The following NIPBL variants were observed in gnomAD, a reference collection of about 807,000 sequenced individuals.
NIPBL encodes nipped-B-like protein.
A neutral mutation model predicts 321.8 loss-of-function variants in NIPBL; 19 were observed. The ratio of observed to expected loss-of-function variants is 0.06; its 90% CI spans 0.04 to 0.09. NIPBL has a LOEUF of 0.09. Ranked by LOEUF, NIPBL falls within the 10% of genes least tolerant of loss-of-function variation. The pLI is 1.00. For missense variants in NIPBL, 2,210 were observed against 3,327.0 expected (o/e 0.66, Z 8.26); for synonymous variants, 1,106 against 1,114.1 (o/e 0.99, Z 0.14).
At chr5:36,916,779 C>T (rs1748494114) in intron 1 of NIPBL, among the ~76,000 whole-genome samples, 1 of 151,944 alleles carries the variant, frequency 6.6e-6, no homozygotes, top group Non-Finnish European at 1.5e-5. Context: ...CAGTAGTTTG[C>T]TGAGAATGAT....
At chr5:36,903,657 T>C (rs1366522972) in intron 1 of NIPBL, among the ~76,000 whole-genome samples, 1 of 152,138 alleles carries the variant, frequency 6.6e-6, no homozygotes, top group Non-Finnish European at 1.5e-5. Flanking sequence ...AAAAATAGAC[T>C]TGTAGATAAA....
chr5:36,920,075 C>G (rs1561386859), intron 1 of NIPBL, among the ~76,000 whole-genome samples: 1 of 151,980 alleles, frequency 6.6e-6, no homozygotes, highest in African/African-American at 2.4e-5. Context: ...TTACAGTAGG[C>G]AGCTTTTTTG....
chr5:36,881,231 C>A (rs1745478708), intron 1 of NIPBL, among the ~76,000 whole-genome samples: 1 of 150,794 alleles, frequency 6.6e-6, no homozygotes, highest in Admixed American at 6.6e-5. Context: ...ATTTTATGTG[C>A]TTAGAATATT....
intron 6 of NIPBL, among the ~76,000 whole-genome samples, chr5:36,963,488 G>C (rs1490582194): frequency 2.0e-5 from 3 of 152,020 alleles, no homozygotes; most frequent in African/African-American, 7.2e-5. Context: ...GGAGAAACTG[G>C]GAAGCAAATT....
At chr5:37,037,178 G>A (rs1751789193) in intron 33 of NIPBL, among the ~76,000 whole-genome samples, 1 of 151,404 alleles carries the variant, frequency 6.6e-6, no homozygotes, top group Admixed American at 6.6e-5. Flanking sequence ...ATGAGGTCAG[G>A]AGATTGAGAC....
At chr5:36,877,285 G>A (rs1407182716) in intron 1 of NIPBL, 107 bp downstream of exon 1, 2 of 158,536 alleles carry the variant, frequency 1.3e-5, no homozygotes, top group African/African-American at 4.8e-5. Flanking sequence ...AGCGGCCCCA[G>A]GTCTCTTCCA....
chr5:36,978,566 T>G (rs924378880), intron 9 of NIPBL, among the ~76,000 whole-genome samples: 5 of 152,062 alleles, frequency 3.3e-5, no homozygotes, highest in African/African-American at 1.2e-4. Context: ...TGGTTTCTTT[T>G]GCTGTACAGA....
At chr5:36,889,497 A>G (rs1232954865) in intron 1 of NIPBL, among the ~76,000 whole-genome samples, 1 of 152,162 alleles carries the variant, frequency 6.6e-6, no homozygotes, top group Admixed American at 6.5e-5. Flanking sequence ...GTTTCTTAGT[A>G]TATGTCAGGG....
intron 1 of NIPBL, among the ~76,000 whole-genome samples, chr5:36,950,807 A>T (rs566680584): frequency 6.6e-6 from 1 of 152,252 alleles, no homozygotes; most frequent in East Asian, 1.9e-4. Context: ...ATAGCTAGTT[A>T]GTTAGGGTTG....
intron 10 of NIPBL, among the ~76,000 whole-genome samples, chr5:36,991,178 A>G (rs1580412957): frequency 6.6e-6 from 1 of 152,158 alleles, no homozygotes; most frequent in South Asian, 2.1e-4. Flanking sequence ...TCTCTTTTAA[A>G]CTTATTACAA....
In NIPBL at chr5:37,064,868, C is replaced by T. The variant is rs997526101; in HGVS notation, c.8391C>T (p.Ala2797=). The part of the protein sequence containing the change: ...KVVQTLRSLY[A]AKDGTSS ...TTCAGACTTTACGATCCCTGTATGC[C>T]GCCAAGGATGGGACTTCCAGCTAAT... Residue 2797 remains alanine, a synonymous_variant, in exon 47 of 47, where the codon GCC becomes GCT. Transcript: ENST00000282516. The T allele has an allele frequency of 1.1e-5, 17 of 1,613,914 alleles. No homozygotes were observed. Among genetic ancestry groups the T allele is most frequent in the East Asian group, 8.9e-5 (4 of 44,898 alleles).
chr5:36,907,428 G>T (rs933987560), intron 1 of NIPBL, among the ~76,000 whole-genome samples: 1 of 152,002 alleles, frequency 6.6e-6, no homozygotes, highest in African/African-American at 2.4e-5. Flanking sequence ...TAAAAGTTAC[G>T]TAGATACCAG....
intron 1 of NIPBL, among the ~76,000 whole-genome samples, chr5:36,911,750 A>G (rs1748066919): frequency 6.6e-6 from 1 of 152,226 alleles, no homozygotes; most frequent in Admixed American, 6.5e-5. Flanking sequence ...TTCAAATGTC[A>G]TTGCTCTTCT....
intron 1 of NIPBL, among the ~76,000 whole-genome samples, chr5:36,929,913 C>G (rs117091159): frequency 6.6e-6 from 1 of 151,974 alleles, no homozygotes; most frequent in African/African-American, 2.4e-5. Context: ...TTTCTGGACT[C>G]TAGATTCTCT....
chr5:36,971,073 T>C, intron 7 of NIPBL, 37 bp downstream of exon 7: 1 of 1,552,424 alleles, frequency 6.4e-7, no homozygotes, highest in Non-Finnish European at 8.9e-7. Flanking sequence ...ATAAAATAGT[T>C]CTAATATTTG....
At chr5:36,950,912 C>A (rs966740651) in intron 1 of NIPBL, among the ~76,000 whole-genome samples, 2 of 151,700 alleles carry the variant, frequency 1.3e-5, no homozygotes, top group Non-Finnish European at 2.9e-5. Flanking sequence ...AGATTACTTA[C>A]ATTTATTAAA....
intron 1 of NIPBL, among the ~76,000 whole-genome samples, chr5:36,914,949 T>A (rs947862316): frequency 1.6e-4 from 24 of 152,230 alleles, no homozygotes; most frequent in Middle Eastern, 3.4e-3. Context: ...TGAAACTTTT[T>A]AAAATATTTT....
chr5:36,994,387 A>G (rs142334218), intron 10 of NIPBL, among the ~76,000 whole-genome samples: 109 of 152,288 alleles, frequency 7.2e-4, no homozygotes, highest in Non-Finnish European at 1.3e-3. Flanking sequence ...GAAGAATAAA[A>G]AAAGGGTTAT....
chr5:37,002,613 AT>A (rs781014368), intron 14 of NIPBL, 48 bp from the exon 15 acceptor site: 2 of 1,246,348 alleles, frequency 1.6e-6, no homozygotes, highest in Non-Finnish European at 2.4e-6. Flanking sequence ...ATTTTGAACT[AT>A]TTTATTTACC....
Sources: gnomAD v4.1 joint callset for allele counts (sites outside exome capture counted in the v4.1 genomes callset) on GRCh38, gnomAD v4.1.1 for gene constraint, MANE v1.5 for transcripts, NCBI Gene and HGNC (gene_info 2026-07-23, HGNC 2026-07-21) for gene names.